The following FCRL6 variants were observed in gnomAD, a reference collection of about 807,000 sequenced individuals.
FCRL6 encodes Fc receptor-like protein 6.
In FCRL6, 50 loss-of-function variants were observed where a neutral mutation model predicts 49.1. That is an observed-to-expected ratio of 1.02 (90% confidence interval 0.81 to 1.29). FCRL6 has a LOEUF of 1.29. FCRL6 is among the 50% of genes most tolerant of loss of function. The pLI, the probability that FCRL6 is intolerant of heterozygous loss-of-function variation, is 0.00. For missense variants in FCRL6, 571 were observed against 518.5 expected (o/e 1.10, Z -0.98); for synonymous variants, 213 against 199.6 (o/e 1.07, Z -0.57).
rs752735449 is a variant in FCRL6 at position 159,813,502 on chromosome 1, C to G, written c.1023C>G (p.Ser341=). The G allele has an allele frequency of 2.5e-6, 4 of 1,613,960 alleles. No homozygotes were observed. Among genetic ancestry groups the G allele is most frequent in the Admixed American group, 3.3e-5 (2 of 60,006 alleles). The stretch of plus-strand genomic sequence containing the variant: ...TGTATCTCCTAGGGCCCCTTCCATC[C>G]CAGATACCACCCACAGCTCCAGGTG... ...RSWRKAGPLP[S]QIPPTAPGGE... is the part of the protein sequence containing the mutation. Residue 341 remains serine (S), a synonymous_variant, in exon 7 of 10, where the codon TCC becomes TCG. Transcript: ENST00000368106.
intron 6 of FCRL6, among the ~76,000 whole-genome samples, chr1:159,811,560 AC>A (rs1663087677): frequency 6.6e-6 from 1 of 152,064 alleles, no homozygotes; most frequent in South Asian, 2.1e-4. Flanking sequence ...GTCTCTTCCC[AC>A]CCCTAGTCCC....
upstream of FCRL6, chr1:159,800,653 A>G: frequency 1.3e-6 from 2 of 1,530,502 alleles, no homozygotes; most frequent in Non-Finnish European, 1.8e-6. Context: ...TTACTTCCTC[A>G]CTACTTTTCC....
At chr1:159,800,818 G>C (rs138655507), upstream of FCRL6, among the ~76,000 whole-genome samples, 2 of 152,292 alleles carry the variant, frequency 1.3e-5, no homozygotes, top group African/African-American at 4.8e-5. Flanking sequence ...AATTCCATCA[G>C]ACTATGTAGA....
chr1:159,811,238 G>A (rs958149872), intron 6 of FCRL6, among the ~76,000 whole-genome samples: 1 of 152,150 alleles, frequency 6.6e-6, no homozygotes, highest in Admixed American at 6.5e-5. Flanking sequence ...CTCGCCTCAG[G>A]CCACACACAT....
At chr1:159,812,736 A>G (rs760749506) in intron 6 of FCRL6, among the ~76,000 whole-genome samples, 4 of 152,178 alleles carry the variant, frequency 2.6e-5, no homozygotes, top group Non-Finnish European at 5.9e-5. Context: ...TATCCTACCC[A>G]GTGATTCTGA....
chr1:159,809,778 G>A (rs1344780837), intron 5 of FCRL6, 95 bp downstream of exon 5: 2 of 1,124,012 alleles, frequency 1.8e-6, no homozygotes, highest in Non-Finnish European at 2.6e-6. Flanking sequence ...CTGGCACAGT[G>A]CTGGACTCAT....
chr1:159,813,689 C>T (rs1335386969), intron 7 of FCRL6, 135 bp downstream of exon 7: 3 of 745,740 alleles, frequency 4.0e-6, no homozygotes, highest in Admixed American at 4.8e-5. Context: ...CAAACAGCTT[C>T]TAGAAAGGGC....
intron 2 of FCRL6, 126 bp from the exon 3 acceptor site, chr1:159,808,052 G>A: frequency 2.0e-6 from 2 of 1,013,006 alleles, no homozygotes; most frequent in Non-Finnish European, 2.9e-6. Context: ...TGGAGACAGT[G>A]ACACCATACC....
In FCRL6 at chr1:159,813,469, C is replaced by G; in HGVS notation, c.1010-20C>G. ...GCCCTCTAAGGGACACCCAGTGAAT[C>G]ATGCCCTTGTATCTCCTAGGGCCCC... On this transcript the variant is annotated intron_variant, in intron 6 of 9. Coordinates refer to ENST00000368106, the MANE Select transcript of FCRL6 (RefSeq NM_001004310.3). 3.7e-6 allele frequency: 6 copies of G among 1,610,168 alleles called. No homozygotes were observed. The highest frequency in any genetic ancestry group is 5.1e-6 in the Non-Finnish European group (6 of 1,176,446).
intron 6 of FCRL6, 83 bp from the exon 7 acceptor site, chr1:159,813,406 C>A: frequency 8.0e-7 from 1 of 1,255,046 alleles, no homozygotes; most frequent in South Asian, 1.2e-5. Flanking sequence ...GCCTCCTTGT[C>A]ATTCTTGCTC....
chr1:159,815,315 C>T (rs1456915635), intron 8 of FCRL6, 113 bp from the exon 9 acceptor site: 2 of 1,154,802 alleles, frequency 1.7e-6, no homozygotes, highest in Admixed American at 4.6e-5. Context: ...GGAATCTCCC[C>T]TGGCTGGCTT....
At chr1:159,809,729 A>C in intron 5 of FCRL6, 46 bp downstream of exon 5, 1 of 1,558,418 alleles carries the variant, frequency 6.4e-7, no homozygotes, top group Admixed American at 1.7e-5. Flanking sequence ...GCAAGCTGGC[A>C]GGGGTCAGAT....
intron 6 of FCRL6, among the ~76,000 whole-genome samples, chr1:159,813,176 AG>A (rs1663184588): frequency 6.6e-6 from 1 of 152,178 alleles, no homozygotes; most frequent in African/African-American, 2.4e-5. Context: ...GTATGGTCAA[AG>A]TTATTAGCTT....
At chr1:159,802,323 G>A (rs1662382941), upstream of FCRL6, 2 of 1,383,550 alleles carry the variant, frequency 1.4e-6, no homozygotes, top group Admixed American at 3.7e-5. Flanking sequence ...CCCAGCTCAG[G>A]CCACCCACCC....
At chr1:159,808,607 C>T (rs932711898) in intron 3 of FCRL6, 163 bp downstream of exon 3, 7 of 734,060 alleles carry the variant, frequency 9.5e-6, no homozygotes, top group Admixed American at 2.5e-5. Flanking sequence ...CTCAATACCC[C>T]CCTCTCCCCA....
rs546061452 is a variant in FCRL6, at chr1:159,815,762, A to C, written c.*101A>C. The stretch of plus-strand genomic sequence containing the variant: ...TCTTTCTGTGGGTCCTTCAGTTCCC[A>C]AGCCCAGCATCACAGAGCCCCCTGA... On this transcript the variant is annotated 3_prime_UTR_variant, in exon 10 of 10. Transcript: ENST00000368106. 27 of 1,463,874 alleles carry C rather than the reference A, an allele frequency of 1.8e-5. No individual in the cohort carries two copies. The highest frequency in any genetic ancestry group is 4.4e-4 in the Middle Eastern group (2 of 4,520). 90.7% of individuals were successfully genotyped at this position (1,463,874 alleles called of 1,614,324 possible).
At chr1:159,801,013 T>G (rs999769637), upstream of FCRL6, among the ~76,000 whole-genome samples, 1 of 152,040 alleles carries the variant, frequency 6.6e-6, no homozygotes, top group African/African-American at 2.4e-5. Flanking sequence ...GCAAGACTCC[T>G]TCTCAATAAA....
At chr1:159,806,415 T>C (rs1440343891) in intron 1 of FCRL6, among the ~76,000 whole-genome samples, 181 bp from the exon 2 acceptor site, 1 of 151,402 alleles carries the variant, frequency 6.6e-6, no homozygotes, top group Non-Finnish European at 1.5e-5. Flanking sequence ...CTGGGTTGTT[T>C]GGTGGTTGAG....
intron 2 of FCRL6, among the ~76,000 whole-genome samples, chr1:159,807,051 C>T (rs1662739041): frequency 1.3e-5 from 2 of 152,208 alleles, no homozygotes; most frequent in Admixed American, 6.5e-5. Flanking sequence ...TTCTGTGACA[C>T]TGACCTCCAT....
Sources: gnomAD v4.1 joint callset for allele counts (sites outside exome capture counted in the v4.1 genomes callset) on GRCh38, gnomAD v4.1.1 for gene constraint, MANE v1.5 for transcripts, NCBI Gene and HGNC (gene_info 2026-07-23, HGNC 2026-07-21) for gene names.